The following CSMD1 variants were observed in gnomAD, a reference collection of about 807,000 sequenced individuals.
CSMD1 encodes CUB and sushi domain-containing protein 1.
Under a neutral mutation model 417.5 loss-of-function variants are expected in CSMD1, and 213 were observed. That is an observed-to-expected ratio of 0.51 (90% confidence interval 0.46 to 0.57). The LOEUF is 0.57. Ranked by LOEUF, CSMD1 falls within the 20% of genes least tolerant of loss-of-function variation. The pLI is 0.00. For synonymous variants in CSMD1, 2,862 were observed against 1,736.8 expected, an observed-to-expected ratio of 1.65 and a Z score of -16.11; for missense variants, 6,923 against 4,529.7, an observed-to-expected ratio of 1.53 and a Z score of -15.17.
chr8:3,016,225 A>T (rs1808816483), intron 52 of CSMD1, among the ~76,000 whole-genome samples: 1 of 152,210 alleles, frequency 6.6e-6, no homozygotes, highest in Admixed American at 6.5e-5. Flanking sequence ...TATTTGGATT[A>T]TGGAGGTATC....
At chr8:4,625,873 A>G (rs1278199121) in intron 2 of CSMD1, among the ~76,000 whole-genome samples, 2 of 151,518 alleles carry the variant, frequency 1.3e-5, no homozygotes, top group East Asian at 3.9e-4. Context: ...ACAGGTACAC[A>G]CCCCCACGCC....
intron 2 of CSMD1, among the ~76,000 whole-genome samples, chr8:4,486,957 C>A (rs1459040126): frequency 1.3e-5 from 2 of 152,118 alleles, no homozygotes; most frequent in African/African-American, 4.8e-5. Context: ...TGGTAGCTCA[C>A]AGAGAGAGAT....
chr8:4,193,409 T>C (rs867133009), intron 3 of CSMD1, among the ~76,000 whole-genome samples: 1 of 151,774 alleles, frequency 6.6e-6, no homozygotes, highest in Non-Finnish European at 1.5e-5. Flanking sequence ...GGCTTCCAAG[T>C]CTGTTTGCTT....
intron 12 of CSMD1, among the ~76,000 whole-genome samples, chr8:3,466,635 G>A (rs1295308469): frequency 6.8e-6 from 1 of 146,820 alleles, no homozygotes; most frequent in Admixed American, 6.9e-5. Flanking sequence ...CACCATGTTG[G>A]CCAGGCTGGT....
At chr8:4,315,544 A>G (rs1236606784) in intron 3 of CSMD1, among the ~76,000 whole-genome samples, 3 of 152,232 alleles carry the variant, frequency 2.0e-5, no homozygotes, top group Non-Finnish European at 2.9e-5. Context: ...AATTAACTAA[A>G]AATCACACAG....
chr8:3,837,215 T>C (rs1802769255), intron 5 of CSMD1, among the ~76,000 whole-genome samples: 1 of 152,300 alleles, frequency 6.6e-6, no homozygotes, highest in Non-Finnish European at 1.5e-5. Flanking sequence ...TGGCCAATTA[T>C]TCCAGAATAG....
chr8:3,439,066 T>G (rs184170097), intron 12 of CSMD1, among the ~76,000 whole-genome samples: 1,553 of 121,530 alleles, frequency 0.013, 34 homozygotes, highest in East Asian at 0.098. Flanking sequence ...GAGGTTGCAG[T>G]GAGCCAAGAT....
At chr8:3,468,863 A>G (rs764956488) in intron 11 of CSMD1, 39 bp from the exon 12 acceptor site, 17 of 1,358,650 alleles carry the variant, frequency 1.3e-5, no homozygotes, top group Non-Finnish European at 1.4e-5. Context: ...TAGGTAAGGC[A>G]ACAAGTACAT....
chr8:3,663,083 G>A (rs1414302920), intron 7 of CSMD1, among the ~76,000 whole-genome samples: 4 of 152,106 alleles, frequency 2.6e-5, no homozygotes, highest in Non-Finnish European at 4.4e-5. Flanking sequence ...CAAAATCAGA[G>A]CCCCACAGAA....
At chr8:4,421,813 A>T (rs1235879298) in intron 2 of CSMD1, among the ~76,000 whole-genome samples, 1 of 152,004 alleles carries the variant, frequency 6.6e-6, no homozygotes, top group East Asian at 1.9e-4. Context: ...ACAGAAAGCA[A>T]AAAACAAGAA....
At chr8:3,989,415 C>G (rs528973657) in intron 5 of CSMD1, among the ~76,000 whole-genome samples, 7 of 152,330 alleles carry the variant, frequency 4.6e-5, no homozygotes, top group South Asian at 2.1e-4. Flanking sequence ...GCCCAACACT[C>G]TCCAAGCTAG....
intron 3 of CSMD1, among the ~76,000 whole-genome samples, chr8:4,213,815 G>C (rs190750668): frequency 1.1e-3 from 175 of 152,258 alleles, no homozygotes; most frequent in African/African-American, 3.9e-3. Flanking sequence ...CATTGAGAAA[G>C]ATAAGAAAAG....
chr8:3,311,143 G>A (rs1805312354), intron 23 of CSMD1, among the ~76,000 whole-genome samples: 1 of 152,094 alleles, frequency 6.6e-6, no homozygotes. Context: ...CCATAAATAT[G>A]CTTAGGACAG....
chr8:4,111,328 G>C (rs1043704461), intron 3 of CSMD1, among the ~76,000 whole-genome samples: 1 of 152,042 alleles, frequency 6.6e-6, no homozygotes, highest in Non-Finnish European at 1.5e-5. Flanking sequence ...AGAATCTGCT[G>C]TTACGAAAAA....
At chr8:3,147,066 G>A (rs1563085722) in intron 40 of CSMD1, among the ~76,000 whole-genome samples, 1 of 148,290 alleles carries the variant, frequency 6.7e-6, no homozygotes, top group Non-Finnish European at 1.5e-5. Context: ...GTAACTGGAG[G>A]AGCAACGCTT....
chr8:3,213,895 T>C (rs1400839056), intron 30 of CSMD1, among the ~76,000 whole-genome samples: 1 of 151,710 alleles, frequency 6.6e-6, no homozygotes, highest in Non-Finnish European at 1.5e-5. Context: ...TCTTGCTCTG[T>C]CACCCAGGCT....
At chr8:4,440,782 G>C (rs548249774) in intron 2 of CSMD1, among the ~76,000 whole-genome samples, 7 of 152,008 alleles carry the variant, frequency 4.6e-5, no homozygotes, top group Admixed American at 1.3e-4. Context: ...GATCACCTGA[G>C]GTCAGCAGTT....
intron 5 of CSMD1, among the ~76,000 whole-genome samples, chr8:3,812,733 C>T (rs1327124274): frequency 1.3e-5 from 2 of 152,136 alleles, no homozygotes; most frequent in African/African-American, 2.4e-5. Context: ...CCACAAACAC[C>T]ACATCTCCCC....
chr8:3,424,910 C>G (rs1191677740), intron 12 of CSMD1, among the ~76,000 whole-genome samples: 1 of 152,232 alleles, frequency 6.6e-6, no homozygotes, highest in African/African-American at 2.4e-5. Flanking sequence ...GGCTGACTCA[C>G]TATGATCTCA....
Sources: gnomAD v4.1 joint callset for allele counts (sites outside exome capture counted in the v4.1 genomes callset) on GRCh38, gnomAD v4.1.1 for gene constraint, MANE v1.5 for transcripts, NCBI Gene and HGNC (gene_info 2026-07-23, HGNC 2026-07-21) for gene names.